COL22A1: variants seen among roughly 807,000 people sequenced by gnomAD.
COL22A1 encodes the protein collagen alpha-1(XXII) chain.
A neutral mutation model predicts 248.9 loss-of-function variants in COL22A1; 221 were observed. The ratio of observed to expected loss-of-function variants is 0.89; its 90% confidence interval spans 0.80 to 0.99. COL22A1 has a LOEUF of 0.99. Ranked by LOEUF, COL22A1 falls within the 50% of genes least tolerant of loss-of-function variation. The pLI is 0.00. For missense variants in COL22A1, 2,240 were observed against 2,179.0 expected (o/e 1.03, Z -0.56); for synonymous variants, 891 against 793.4 (o/e 1.12, Z -2.07).
intron 1 of COL22A1, among the ~76,000 whole-genome samples, chr8:138,889,879 T>C (rs1394931737): frequency 6.6e-6 from 1 of 152,162 alleles, no homozygotes; most frequent in Non-Finnish European, 1.5e-5. Flanking sequence ...TGTTGTAATC[T>C]CCAAGTTTTT....
chr8:138,694,628 C>A, intron 33 of COL22A1, 67 bp from the exon 34 acceptor site: 2 of 1,542,904 alleles, frequency 1.3e-6, no homozygotes, highest in Non-Finnish European at 1.8e-6. Flanking sequence ...GCGGATGGGG[C>A]GGGGACGTTG....
chr8:138,891,558 A>G (rs1023309666), intron 1 of COL22A1, among the ~76,000 whole-genome samples: 1 of 152,326 alleles, frequency 6.6e-6, no homozygotes, highest in South Asian at 2.1e-4. Context: ...AACAGTAGGC[A>G]TAATTAGCTC....
chr8:138,620,549 C>T (rs1320103300), intron 52 of COL22A1: 1 of 152,188 alleles, frequency 6.6e-6, no homozygotes, highest in Non-Finnish European at 1.5e-5. Flanking sequence ...TTGGGACAGT[C>T]CTCCCTTGTA....
intron 50 of COL22A1, among the ~76,000 whole-genome samples, chr8:138,627,964 A>G (rs906233537): frequency 3.3e-5 from 5 of 152,258 alleles, no homozygotes; most frequent in South Asian, 2.1e-4. Flanking sequence ...ACCACTCACC[A>G]TCTAAATTGA....
At chr8:138,661,968 G>A (rs1197660368) in intron 43 of COL22A1, 62 bp downstream of exon 43, 24 of 1,299,592 alleles carry the variant, frequency 1.8e-5, no homozygotes, top group Non-Finnish European at 2.6e-5. Context: ...GATGGTGGAG[G>A]GCGGGCTTTC....
At chr8:138,596,410 T>A (rs1342697916) in intron 62 of COL22A1, among the ~76,000 whole-genome samples, 1 of 152,218 alleles carries the variant, frequency 6.6e-6, no homozygotes, top group Non-Finnish European at 1.5e-5. Flanking sequence ...GAAGCCTTCA[T>A]TAATCCACTC....
At chr8:138,614,769 T>C (rs1164293150) in intron 55 of COL22A1, among the ~76,000 whole-genome samples, 5 of 152,152 alleles carry the variant, frequency 3.3e-5, no homozygotes, top group Non-Finnish European at 7.3e-5. Flanking sequence ...TGCACAGGGC[T>C]CCACACACTG....
chr8:138,659,662 C>T (rs1823610724), intron 44 of COL22A1, among the ~76,000 whole-genome samples: 1 of 152,182 alleles, frequency 6.6e-6, no homozygotes, highest in Non-Finnish European at 1.5e-5. Context: ...CCAGGCTACT[C>T]AGCTAAACCA....
chr8:138,634,149 G>A (rs1422067344), intron 49 of COL22A1, among the ~76,000 whole-genome samples: 6 of 152,132 alleles, frequency 3.9e-5, no homozygotes, highest in East Asian at 1.9e-4. Context: ...TTAACACACA[G>A]TTAACAACTA....
rs566317156 is a variant in COL22A1, at chr8:138,891,004, AGAGT to A, written c.-72-7764_-72-7761del. ...TTCCACCATATTCCAGCCTGGCGAC[AGAGT>A]GAGACTCCGTATAAAAAAAAAAAGT... On this transcript the variant is annotated intron_variant, in intron 1 of 64. Transcript: ENST00000303045. Among the ~76,000 whole-genome samples, 229 of 152,210 alleles carry A rather than the reference AGAGT, an allele frequency of 1.5e-3. 1 individual carries two copies. Among genetic ancestry groups the A allele is most frequent in the Middle Eastern group, 0.014 (4 of 294 alleles).
chr8:138,811,723 G>A (rs560943732), intron 9 of COL22A1, 76 bp downstream of exon 9: 1 of 1,576,856 alleles, frequency 6.3e-7, no homozygotes, highest in Admixed American at 1.7e-5. Context: ...GACCTGAAAG[G>A]CCACATGCAT....
chr8:138,702,746 T>C (rs1364254252), intron 31 of COL22A1, among the ~76,000 whole-genome samples: 1 of 152,188 alleles, frequency 6.6e-6, no homozygotes, highest in Non-Finnish European at 1.5e-5. Flanking sequence ...TATTTTGTAG[T>C]TTCAATTAAC....
chr8:138,865,998 T>C (rs1249518065), intron 3 of COL22A1, among the ~76,000 whole-genome samples: 1 of 152,108 alleles, frequency 6.6e-6, no homozygotes, highest in African/African-American at 2.4e-5. Context: ...TATGCCTGTG[T>C]CTATGTATGT....
intron 30 of COL22A1, among the ~76,000 whole-genome samples, chr8:138,708,537 A>C (rs1828682317): frequency 6.6e-6 from 1 of 152,262 alleles, no homozygotes; most frequent in Non-Finnish European, 1.5e-5. Flanking sequence ...GAAATGGGAA[A>C]AGGATTCCCT....
intron 10 of COL22A1, 143 bp from the exon 11 acceptor site, chr8:138,803,077 T>C (rs1165679260): frequency 2.8e-6 from 2 of 712,826 alleles, no homozygotes; most frequent in African/African-American, 3.4e-5. Context: ...CGAGGCCACA[T>C]GTCCCACCCC....
chr8:138,873,625 A>C (rs1468474305), intron 3 of COL22A1, among the ~76,000 whole-genome samples: 1 of 152,156 alleles, frequency 6.6e-6, no homozygotes, highest in African/African-American at 2.4e-5. Context: ...ATTGTCTGCC[A>C]TTTTCCTGCT....
chr8:138,773,777 G>A (rs1366788353), intron 16 of COL22A1, among the ~76,000 whole-genome samples: 3 of 152,202 alleles, frequency 2.0e-5, no homozygotes, highest in African/African-American at 7.2e-5. Flanking sequence ...CTCCACCTCT[G>A]ACTGCACCCT....
At chr8:138,624,596 A>G (rs1820092258) in intron 51 of COL22A1, among the ~76,000 whole-genome samples, 1 of 152,226 alleles carries the variant, frequency 6.6e-6, no homozygotes, top group Non-Finnish European at 1.5e-5. Flanking sequence ...TTAACACAAA[A>G]TCCAAATTGA....
At chr8:138,594,405 T>C (rs547467071) in intron 62 of COL22A1, among the ~76,000 whole-genome samples, 44 of 152,210 alleles carry the variant, frequency 2.9e-4, no homozygotes, top group Middle Eastern at 6.8e-3. Context: ...ACATGACACA[T>C]GTGCAGCATT....
Sources: allele counts gnomAD v4.1 joint callset (sites outside exome capture counted in the v4.1 genomes callset), GRCh38; gene constraint gnomAD v4.1.1; transcripts MANE v1.5; gene names NCBI Gene and HGNC (gene_info 2026-07-23, HGNC 2026-07-21).